SPIDR: variants seen among roughly 807,000 people sequenced by gnomAD.
SPIDR encodes the protein scaffold protein involved in DNA repair.
SPIDR carries 93 observed loss-of-function variants against 104.6 expected under a neutral mutation model. That is an observed-to-expected ratio of 0.89 (90% CI 0.75 to 1.06). SPIDR has a LOEUF of 1.06. Ranked by LOEUF, SPIDR falls within the 50% of genes least tolerant of loss-of-function variation. SPIDR has a pLI of 0.00. For synonymous variants in SPIDR, 431 were observed against 416.9 expected (o/e 1.03, Z -0.41); for missense variants, 1,154 against 1,111.2 (o/e 1.04, Z -0.55).
intron 11 of SPIDR, among the ~76,000 whole-genome samples, chr8:47,675,431 A>C (rs2076304639): frequency 6.6e-6 from 1 of 152,226 alleles, no homozygotes; most frequent in African/African-American, 2.4e-5. Context: ...CAGTTCATCC[A>C]GATATTTGGA....
Position 47,511,086 on chromosome 8 carries a change from C to T in SPIDR, c.1097+70544C>T, listed in dbSNP as rs1031276680. On this transcript the variant is annotated intron_variant, in intron 8 of 19. Transcript: ENST00000297423. ...TGAGCAGGTTGGCTTCCTTCAGGGT[C>T]CAGCTCTCGTCAGCCAGCTCTTTGT... 1.4e-5 allele frequency: 17 copies of T among 1,239,830 alleles called. No homozygotes were observed. The Admixed American group carries it at 2.9e-4, about 21-fold the overall frequency. 76.8% of individuals were successfully genotyped at this position (1,239,830 alleles called of 1,614,324 possible).
chr8:47,477,741 T>C, intron 8 of SPIDR, among the ~76,000 whole-genome samples: 1 of 152,184 alleles, frequency 6.6e-6, no homozygotes, highest in East Asian at 1.9e-4. Flanking sequence ...CTTTGTTTCA[T>C]TCAGTGAATA....
intron 8 of SPIDR, among the ~76,000 whole-genome samples, chr8:47,533,949 A>G (rs895303749): frequency 6.6e-6 from 1 of 152,160 alleles, no homozygotes; most frequent in African/African-American, 2.4e-5. Flanking sequence ...CCCCACCCAA[A>G]TCTCACCTTG....
intron 10 of SPIDR, among the ~76,000 whole-genome samples, chr8:47,653,636 T>TA (rs552747415): frequency 7.2e-5 from 11 of 152,316 alleles, no homozygotes; most frequent in African/African-American, 2.6e-4. Flanking sequence ...AACTATGTCT[T>TA]ATGTCCCTTT....
At chr8:47,499,451 A>G (rs2080000605) in intron 8 of SPIDR, among the ~76,000 whole-genome samples, 1 of 152,038 alleles carries the variant, frequency 6.6e-6, no homozygotes, top group Non-Finnish European at 1.5e-5. Flanking sequence ...CTCTAGAACC[A>G]CTTTGGCTTC....
At chr8:47,293,833 G>C in intron 4 of SPIDR, 34 bp from the exon 5 acceptor site, 1 of 1,567,526 alleles carries the variant, frequency 6.4e-7, no homozygotes, top group Non-Finnish European at 8.7e-7. Context: ...AGATTAAGGA[G>C]ATAATTAAGC....
intron 5 of SPIDR, among the ~76,000 whole-genome samples, chr8:47,391,439 C>T (rs1162114702): frequency 6.6e-6 from 1 of 151,996 alleles, no homozygotes; most frequent in Non-Finnish European, 1.5e-5. Context: ...ACTTGAGAGG[C>T]TGAGGTGGGA....
intron 6 of SPIDR, among the ~76,000 whole-genome samples, chr8:47,405,152 G>A (rs1243173165): frequency 1.3e-5 from 2 of 151,986 alleles, no homozygotes; most frequent in Admixed American, 1.3e-4. Context: ...GGAGTTGAAC[G>A]GTGAGATCAC....
At chr8:47,319,425 G>A (rs1160023837) in intron 5 of SPIDR, among the ~76,000 whole-genome samples, 1 of 152,112 alleles carries the variant, frequency 6.6e-6, no homozygotes, top group Non-Finnish European at 1.5e-5. Flanking sequence ...CCCAATACGG[G>A]AGCACCCAGA....
chr8:47,659,649 C>T (rs1162322668), intron 10 of SPIDR: 7 of 946,748 alleles, frequency 7.4e-6, no homozygotes, highest in African/African-American at 7.1e-5. Context: ...CGCTCTGGCC[C>T]TTCTCGCCCC....
At chr8:47,573,679 C>CA (rs965725517) in intron 8 of SPIDR, among the ~76,000 whole-genome samples, 2 of 152,228 alleles carry the variant, frequency 1.3e-5, no homozygotes, top group Non-Finnish European at 2.9e-5. Flanking sequence ...TGTAGAGATG[C>CA]AGTTTTCCTG....
intron 15 of SPIDR, 88 bp from the exon 16 acceptor site, chr8:47,713,401 C>A: frequency 1.3e-6 from 2 of 1,573,986 alleles, no homozygotes; most frequent in Non-Finnish European, 8.7e-7. Context: ...ACCTGCATGA[C>A]TCGAGGGGTA....
chr8:47,341,382 A>G (rs1439932449), intron 5 of SPIDR, among the ~76,000 whole-genome samples: 2 of 152,218 alleles, frequency 1.3e-5, no homozygotes, highest in Admixed American at 6.5e-5. Flanking sequence ...TATGGGAAGA[A>G]TAATACCAGC....
chr8:47,599,503 G>A (rs1029702799), intron 10 of SPIDR, among the ~76,000 whole-genome samples: 1 of 152,188 alleles, frequency 6.6e-6, no homozygotes, highest in Non-Finnish European at 1.5e-5. Context: ...GCCAAGACAT[G>A]TGGTTGTCAT....
intron 8 of SPIDR, among the ~76,000 whole-genome samples, chr8:47,528,779 AAAAAG>A (rs1206389768): frequency 2.0e-5 from 3 of 152,202 alleles, no homozygotes; most frequent in African/African-American, 7.2e-5. Context: ...GAGTGAAAAA[AAAAAG>A]GGAACATAAT....
chr8:47,557,913 A>G (rs371360013), intron 8 of SPIDR, among the ~76,000 whole-genome samples: 24 of 152,336 alleles, frequency 1.6e-4, no homozygotes, highest in African/African-American at 5.8e-4. Flanking sequence ...TGGGTGCCCT[A>G]TAGCAGTGGA....
intron 8 of SPIDR, among the ~76,000 whole-genome samples, chr8:47,501,826 C>T (rs1235482153): frequency 1.3e-5 from 2 of 152,012 alleles, no homozygotes; most frequent in Non-Finnish European, 2.9e-5. Flanking sequence ...CCATCAATAC[C>T]TAATTTATTG....
At chr8:47,560,996 C>T (rs1358161368) in intron 8 of SPIDR, among the ~76,000 whole-genome samples, 10 of 152,174 alleles carry the variant, frequency 6.6e-5, no homozygotes, top group South Asian at 2.1e-4. Context: ...TTCTTCATTC[C>T]AGTTTGCCAG....
At chr8:47,332,942 T>C (rs1280810358) in intron 5 of SPIDR, among the ~76,000 whole-genome samples, 2 of 147,420 alleles carry the variant, frequency 1.4e-5, no homozygotes, top group Non-Finnish European at 3.0e-5. Flanking sequence ...TTCTCCCATG[T>C]TGTAGGTTGC....
Sources: gnomAD v4.1 joint callset for allele counts (sites outside exome capture counted in the v4.1 genomes callset) on GRCh38, gnomAD v4.1.1 for gene constraint, MANE v1.5 for transcripts, NCBI Gene and HGNC (gene_info 2026-07-23, HGNC 2026-07-21) for gene names.